Variants in GPR89B observed in about 807,000 individuals in gnomAD.
The protein encoded by GPR89B is G protein-coupled receptor 89B.
GPR89B carries 25 observed loss-of-function variants against 52.4 expected under a neutral mutation model. That is an observed-to-expected ratio of 0.48 (90% CI 0.35 to 0.67). GPR89B has a LOEUF of 0.67. Ranked by LOEUF, GPR89B falls within the 30% of genes least tolerant of loss-of-function variation. The pLI is 0.01. For missense variants in GPR89B, 146 were observed against 450.2 expected, an observed-to-expected ratio of 0.32 and a Z score of 6.11; for synonymous variants, 52 against 151.2, an observed-to-expected ratio of 0.34 and a Z score of 4.81.
rs1413032347 is a variant in GPR89B, at chr1:147,983,507, G to C, written c.910-2692G>C. 5.3e-3 allele frequency among the ~76,000 whole-genome samples: 801 copies of C among 152,262 alleles called. 11 individuals are homozygous for C. The highest frequency in any genetic ancestry group is 0.019 in the African/African-American group (778 of 41,550). ...AAAAAACAAACAACCCCATCAAAAA[G>C]TTGGCGAAGGACATGAACAGACACT... is the stretch of plus-strand genomic sequence containing the variant. On this transcript the variant is annotated intron_variant, in intron 10 of 13. Coordinates refer to ENST00000314163, the MANE Select transcript of GPR89B (RefSeq NM_016334.5).
the GPR89B span, among the ~76,000 whole-genome samples, chr1:148,021,599 A>T: frequency 1.3e-5 from 2 of 151,370 alleles, no homozygotes; most frequent in Non-Finnish European, 2.9e-5. Context: ...AGTGCAGATG[A>T]GGGGAGCTGC....
chr1:148,023,058 C>CAATA, the GPR89B span, among the ~76,000 whole-genome samples: 1 of 151,680 alleles, frequency 6.6e-6, no homozygotes, highest in Non-Finnish European at 1.5e-5. Context: ...GCATAGTACC[C>CAATA]AATAGCTAGT....
At chr1:148,015,595 T>G in the GPR89B span, among the ~76,000 whole-genome samples, 1 of 148,434 alleles carries the variant, frequency 6.7e-6, no homozygotes, top group Non-Finnish European at 1.5e-5. Flanking sequence ...ATTACAGGCT[T>G]GAGCCACCGC....
the GPR89B span, among the ~76,000 whole-genome samples, chr1:148,018,506 G>T: frequency 6.6e-6 from 1 of 151,288 alleles, no homozygotes; most frequent in African/African-American, 2.4e-5. Flanking sequence ...CAATGAGGTG[G>T]TGGGAATGAG....
chr1:148,023,978 T>C, the GPR89B span, among the ~76,000 whole-genome samples: 2 of 146,676 alleles, frequency 1.4e-5, no homozygotes, highest in African/African-American at 5.3e-5. Flanking sequence ...TTTGCTACAA[T>C]TGCTTTTGTG....
chr1:147,995,931 G>A, downstream of GPR89B: 1 of 1,414,138 alleles, frequency 7.1e-7, no homozygotes, highest in Non-Finnish European at 1.0e-6. Context: ...CAGAGAAGGG[G>A]ACATCAGACT....
At chr1:147,968,262 A>G in intron 8 of GPR89B, 1 of 453,862 alleles carries the variant, frequency 2.2e-6, no homozygotes, top group East Asian at 6.9e-5. Context: ...CTTTGGAGGA[A>G]AAGAGGATTT....
chr1:147,975,955 G>T (rs1657799314), intron 10 of GPR89B, among the ~76,000 whole-genome samples: 1 of 152,178 alleles, frequency 6.6e-6, no homozygotes, highest in African/African-American at 2.4e-5. Flanking sequence ...TTTTCATGTA[G>T]TTGTGTAGTT....
Position 147,966,648 on chromosome 1 carries a change from G to A in GPR89B, c.712G>A (p.Ala238Thr), listed in dbSNP as rs1657062009. 4 of 293,692 alleles carry A rather than the reference G, an allele frequency of 1.4e-5. No individual in the cohort carries two copies. In the South Asian group the frequency reaches 1.4e-4, roughly 11 times the overall value. 18.2% of individuals were successfully genotyped at this position (293,692 alleles called of 1,614,324 possible). Residue 238 changes from alanine (A) to threonine (T), a missense_variant, in exon 8 of 14, where the codon GCA (alanine) becomes ACA (threonine). By Grantham distance (58) the Ala-to-Thr change is moderately conservative (BLOSUM62 0). Transcript: ENST00000314163. ...AATGATAAAAAGTGTTACCACTTCA[G>A]CATCAGGAAGTGAAAGTATCCTTTG... is the stretch of plus-strand genomic sequence containing the variant. ...WGMIKSVTTS[A>T]SGSENLTLIQ...
At chr1:148,002,658 C>G in the GPR89B span, among the ~76,000 whole-genome samples, 1 of 152,156 alleles carries the variant, frequency 6.6e-6, no homozygotes, top group Admixed American at 6.5e-5. Context: ...CTCCCTTATA[C>G]TGCTCAAAAA....
chr1:147,946,013 A>C (rs1474964946), intron 5 of GPR89B, among the ~76,000 whole-genome samples: 4 of 151,974 alleles, frequency 2.6e-5, no homozygotes, highest in Non-Finnish European at 5.9e-5. Context: ...AGTATGAGCC[A>C]CCACACCCAG....
At chr1:147,994,127 C>T (rs1439416686), downstream of GPR89B, 66 of 1,013,124 alleles carry the variant, frequency 6.5e-5, 1 homozygote, top group South Asian at 1.1e-3. Flanking sequence ...CTGCAATAGC[C>T]GCCTGTAAGA....
chr1:147,950,508 C>T (rs1571256129), intron 5 of GPR89B, among the ~76,000 whole-genome samples: 3 of 151,792 alleles, frequency 2.0e-5, no homozygotes, highest in Admixed American at 6.5e-5. Context: ...CAGGCAGAGA[C>T]GCTCCTCACT....
chr1:147,975,009 C>T (rs1657733536), intron 10 of GPR89B, among the ~76,000 whole-genome samples: 2 of 151,832 alleles, frequency 1.3e-5, no homozygotes, highest in African/African-American at 4.9e-5. Context: ...TGTTGCATAC[C>T]GGGGATGAAG....
At chr1:148,003,657 C>G in the GPR89B span, 3 of 585,508 alleles carry the variant, frequency 5.1e-6, no homozygotes, top group Admixed American at 9.1e-5. Context: ...TAGACGCTGA[C>G]CCAGCTGTGC....
At chr1:147,957,854 G>T (rs1656236041) in intron 7 of GPR89B, among the ~76,000 whole-genome samples, 1 of 151,984 alleles carries the variant, frequency 6.6e-6, no homozygotes, top group African/African-American at 2.4e-5. Context: ...CACAAGGTCA[G>T]GAGATCAAGA....
At chr1:147,948,031 A>G (rs1478120234) in intron 5 of GPR89B, among the ~76,000 whole-genome samples, 1 of 152,242 alleles carries the variant, frequency 6.6e-6, no homozygotes, top group African/African-American at 2.4e-5. Context: ...CCTGAAATTT[A>G]TAGTCTTGTG....
chr1:148,009,128 T>C, the GPR89B span, among the ~76,000 whole-genome samples: 2 of 151,242 alleles, frequency 1.3e-5, no homozygotes, highest in African/African-American at 4.8e-5. Context: ...CCACCCCCAC[T>C]GCTGTCCAGT....
Position 147,950,572 on chromosome 1 carries a change from C to T in GPR89B, c.416-2773C>T, listed in dbSNP as rs587614505. Among the ~76,000 whole-genome samples the T allele has an allele frequency of 9.9e-3, 1,505 of 152,246 alleles. 22 individuals are homozygous for T. The highest frequency in any genetic ancestry group is 0.035 in the African/African-American group (1,438 of 41,526). On this transcript the variant is annotated intron_variant, in intron 5 of 13. Coordinates refer to ENST00000314163, the MANE Select transcript of GPR89B (RefSeq NM_016334.5). ...CTGCAATCTTGGCACTTTGGGAGGC[C>T]AAGGCAGGCGGCTGGGAGGTGGAGG...
Sources: allele counts gnomAD v4.1 joint callset (sites outside exome capture counted in the v4.1 genomes callset), GRCh38; gene constraint gnomAD v4.1.1; transcripts MANE v1.5; gene names NCBI Gene and HGNC (gene_info 2026-07-23, HGNC 2026-07-21).